The following GPLD1 variants were observed in gnomAD, a reference collection of about 807,000 sequenced individuals.
GPLD1 encodes the protein phosphatidylinositol-glycan-specific phospholipase D.
In GPLD1, 84 loss-of-function variants were observed where a neutral mutation model predicts 112.6. That is an observed-to-expected ratio of 0.75 (90% confidence interval 0.63 to 0.89). The LOEUF (loss-of-function observed/expected upper bound fraction) is 0.89. Ranked by LOEUF, GPLD1 falls within the 40% of genes least tolerant of loss-of-function variation. The probability of loss-of-function intolerance (pLI) is 0.00; values close to 1 mark genes in which losing one functional copy is unlikely to be tolerated. For synonymous variants in GPLD1, 386 were observed against 403.8 expected (o/e 0.96, Z 0.53); for missense variants, 1,044 against 1,051.5 (o/e 0.99, Z 0.10).
At chr6:24,445,937 C>T (rs1762897194) in intron 18 of GPLD1, 106 bp from the exon 19 acceptor site, 7 of 781,974 alleles carry the variant, frequency 9.0e-6, no homozygotes, top group Non-Finnish European at 1.5e-5. Flanking sequence ...CCAGGCCTCC[C>T]AGCAGGCTCT....
upstream of GPLD1, among the ~76,000 whole-genome samples, chr6:24,490,367 T>G (rs1033953721): frequency 1.3e-5 from 2 of 152,208 alleles, no homozygotes; most frequent in African/African-American, 4.8e-5. Flanking sequence ...ATTATGCATA[T>G]TTTACATTAA....
intron 24 of GPLD1, among the ~76,000 whole-genome samples, chr6:24,431,151 T>A (rs1561824546): frequency 1.3e-5 from 2 of 152,184 alleles, no homozygotes; most frequent in Admixed American, 6.5e-5. Context: ...AATCCTACAT[T>A]TTTAGACCTG....
At chr6:24,440,581 C>CAAA (rs58480061) in intron 20 of GPLD1, among the ~76,000 whole-genome samples, 23 of 118,530 alleles carry the variant, frequency 1.9e-4, no homozygotes, top group African/African-American at 5.5e-4. Context: ...AAAAAATACT[C>CAAA]AAAAAAAAAA....
At chr6:24,446,362 TAGC>T (rs2127329944) in intron 18 of GPLD1, among the ~76,000 whole-genome samples, 1 of 151,010 alleles carries the variant, frequency 6.6e-6, no homozygotes, top group South Asian at 2.1e-4. Context: ...AAAAAAAAAT[TAGC>T]TAGGCATGGG....
At chr6:24,464,954 A>G (rs1001764733) in intron 10 of GPLD1, among the ~76,000 whole-genome samples, 2 of 152,090 alleles carry the variant, frequency 1.3e-5, no homozygotes, top group Admixed American at 6.6e-5. Flanking sequence ...GCACTTTGGG[A>G]GACAGAGGTG....
chr6:24,441,993 GAC>G (rs1384199072), intron 20 of GPLD1, among the ~76,000 whole-genome samples: 2 of 147,334 alleles, frequency 1.4e-5, no homozygotes, highest in African/African-American at 4.9e-5. Context: ...ATTATATATA[GAC>G]ACATACATGT....
upstream of GPLD1, among the ~76,000 whole-genome samples, chr6:24,491,564 C>T (rs568114973): frequency 5.3e-5 from 8 of 152,082 alleles, no homozygotes; most frequent in East Asian, 1.9e-4. Context: ...AAAAATTAGC[C>T]GGGCATGGTG....
chr6:24,450,901 G>A (rs1472287965), intron 14 of GPLD1, among the ~76,000 whole-genome samples: 1 of 152,124 alleles, frequency 6.6e-6, no homozygotes. Flanking sequence ...GAACCTGGGA[G>A]GCAGAGGTTG....
chr6:24,458,788 G>A (rs1274687212), intron 12 of GPLD1, among the ~76,000 whole-genome samples: 2 of 151,756 alleles, frequency 1.3e-5, no homozygotes, highest in African/African-American at 2.4e-5. Flanking sequence ...CTGAGGCAGG[G>A]AATTGCTTGA....
At chr6:24,483,291 G>A (rs1581788432) in intron 2 of GPLD1, among the ~76,000 whole-genome samples, 1 of 151,606 alleles carries the variant, frequency 6.6e-6, no homozygotes, top group African/African-American at 2.4e-5. Context: ...TCATGCCACT[G>A]CATTCCAGTC....
chr6:24,468,958 A>G (rs1763709371), intron 7 of GPLD1, among the ~76,000 whole-genome samples: 1 of 152,226 alleles, frequency 6.6e-6, no homozygotes, highest in Non-Finnish European at 1.5e-5. Context: ...AAATTGATTG[A>G]GACTTGTCTC....
At chr6:24,486,040 T>A in intron 2 of GPLD1, 35 bp downstream of exon 2, 1 of 1,292,594 alleles carries the variant, frequency 7.7e-7, no homozygotes, top group Non-Finnish European at 1.1e-6. Flanking sequence ...AGAAAACTAA[T>A]GCACAAAGAA....
At chr6:24,455,069 C>CAG (rs1763225148) in intron 13 of GPLD1, among the ~76,000 whole-genome samples, 1 of 152,224 alleles carries the variant, frequency 6.6e-6, no homozygotes, top group Non-Finnish European at 1.5e-5. Context: ...GCAGAGAACC[C>CAG]AGTGAGCCGA....
chr6:24,450,236 G>C (rs1452316681), intron 14 of GPLD1, among the ~76,000 whole-genome samples: 1 of 152,174 alleles, frequency 6.6e-6, no homozygotes, highest in Non-Finnish European at 1.5e-5. Flanking sequence ...AATAGGCCGG[G>C]CACGGTGGCT....
exon 1 of GPLD1, chr6:24,494,984 C>A: frequency 7.6e-7 from 1 of 1,312,592 alleles, no homozygotes; most frequent in Non-Finnish European, 9.7e-7. Flanking sequence ...CTGTCGCCGT[C>A]GTTGCCCGGG....
chr6:24,450,563 T>C (rs1321209684), intron 14 of GPLD1, among the ~76,000 whole-genome samples: 1 of 152,096 alleles, frequency 6.6e-6, no homozygotes, highest in African/African-American at 2.4e-5. Context: ...TCAGCAACAA[T>C]AGCTAACATT....
intron 22 of GPLD1, among the ~76,000 whole-genome samples, chr6:24,435,172 C>T (rs1432025758): frequency 2.0e-5 from 3 of 151,706 alleles, no homozygotes; most frequent in Non-Finnish European, 4.4e-5. Flanking sequence ...CCACCAAGCC[C>T]GGCTAATTTT....
At chr6:24,489,897 C>T (rs1189483977), upstream of GPLD1, among the ~76,000 whole-genome samples, 1 of 152,200 alleles carries the variant, frequency 6.6e-6, no homozygotes, top group Non-Finnish European at 1.5e-5. Context: ...AAAGGCTCAC[C>T]TGTGCAGATA....
intron 22 of GPLD1, among the ~76,000 whole-genome samples, chr6:24,434,138 C>G (rs1038874384): frequency 6.6e-6 from 1 of 152,014 alleles, no homozygotes; most frequent in Non-Finnish European, 1.5e-5. Context: ...TGGCTCACAC[C>G]TATAATCCCA....
Sources: gnomAD v4.1 joint callset for allele counts (sites outside exome capture counted in the v4.1 genomes callset) on GRCh38, gnomAD v4.1.1 for gene constraint, MANE v1.5 for transcripts, NCBI Gene and HGNC (gene_info 2026-07-23, HGNC 2026-07-21) for gene names.